HCN1: variants seen among roughly 807,000 people sequenced by gnomAD.
HCN1 encodes the protein potassium/sodium hyperpolarization-activated cyclic nucleotide-gated channel 1.
A neutral mutation model predicts 78.9 loss-of-function variants in HCN1; 13 were observed. The ratio of observed to expected loss-of-function variants is 0.16; its 90% CI spans 0.11 to 0.26. The LOEUF (loss-of-function observed/expected upper bound fraction) is 0.26, where lower values mean the gene tolerates loss of function less well. HCN1 is among the 10% of genes least tolerant of loss of function. The probability of loss-of-function intolerance (pLI) is 1.00; values close to 1 mark genes in which losing one functional copy is unlikely to be tolerated. For missense variants in HCN1, 810 were observed against 1,154.3 expected, an observed-to-expected ratio of 0.70 and a Z score of 4.32; for synonymous variants, 552 against 455.5, an observed-to-expected ratio of 1.21 and a Z score of -2.70.
chr5:45,327,634 A>G (rs989917697), intron 5 of HCN1, among the ~76,000 whole-genome samples: 2 of 151,658 alleles, frequency 1.3e-5, no homozygotes, highest in African/African-American at 2.4e-5. Context: ...AAAAAAATTT[A>G]TATGTTGAAG....
At chr5:45,397,289 A>G (rs1739705718) in intron 3 of HCN1, among the ~76,000 whole-genome samples, 1 of 152,126 alleles carries the variant, frequency 6.6e-6, no homozygotes, top group South Asian at 2.1e-4. Flanking sequence ...AGTGATGTAT[A>G]TTGTAATTTG....
chr5:45,370,699 A>G (rs1747336339), intron 4 of HCN1, among the ~76,000 whole-genome samples: 1 of 152,082 alleles, frequency 6.6e-6, no homozygotes, highest in African/African-American at 2.4e-5. Flanking sequence ...ATAATGCCAT[A>G]AGGCCACAGA....
intron 3 of HCN1, among the ~76,000 whole-genome samples, chr5:45,459,995 T>C (rs1741113601): frequency 3.9e-5 from 6 of 152,146 alleles, no homozygotes. Context: ...CCAACCAAAC[T>C]ACTGCTTACT....
At chr5:45,333,718 T>A (rs1253768561) in intron 5 of HCN1, among the ~76,000 whole-genome samples, 1 of 151,740 alleles carries the variant, frequency 6.6e-6, no homozygotes, top group Non-Finnish European at 1.5e-5. Flanking sequence ...ACCCAGTTTT[T>A]CCAGCACCAT....
At chr5:45,527,785 T>C (rs1742769412) in intron 2 of HCN1, among the ~76,000 whole-genome samples, 1 of 151,928 alleles carries the variant, frequency 6.6e-6, no homozygotes, top group Non-Finnish European at 1.5e-5. Context: ...AGACAGAACA[T>C]GTTGTATTAA....
At chr5:45,515,129 A>T (rs991553016) in intron 2 of HCN1, among the ~76,000 whole-genome samples, 2 of 151,458 alleles carry the variant, frequency 1.3e-5, no homozygotes, top group Admixed American at 6.6e-5. Flanking sequence ...TAACATATCG[A>T]GGACAGAAGA....
At position 45,446,544 on chromosome 5, in the gene HCN1, A is replaced by G. The variant is rs1348911494; in HGVS notation, c.1011+15302T>C. Among the ~76,000 whole-genome samples the G allele has an allele frequency of 2.6e-5, 4 of 152,276 alleles. No homozygotes were observed. In the East Asian group the frequency reaches 7.7e-4, roughly 29 times the overall value. On this transcript the variant is annotated intron_variant, in intron 3 of 7. Coordinates refer to ENST00000303230, the MANE Select transcript of HCN1 (RefSeq NM_021072.4). ...TTCAGGAAATACAGAGAACGCCACAAAGATACTCCTCGAGAAGAGCAACTC... is the reference window on the plus strand; with the variant it reads ...TTCAGGAAATACAGAGAACGCCACAGAGATACTCCTCGAGAAGAGCAACTC...
chr5:45,286,643 A>G (rs988248257), intron 6 of HCN1, among the ~76,000 whole-genome samples: 1 of 152,134 alleles, frequency 6.6e-6, no homozygotes, highest in African/African-American at 2.4e-5. Flanking sequence ...AAAATATTAG[A>G]CACATCTTTT....
chr5:45,538,893 C>T (rs1226892937), intron 2 of HCN1, among the ~76,000 whole-genome samples: 1 of 152,100 alleles, frequency 6.6e-6, no homozygotes, highest in Non-Finnish European at 1.5e-5. Flanking sequence ...TGCTAGTTTC[C>T]AGGTTTCAGG....
chr5:45,346,967 C>A (rs1746732845), intron 5 of HCN1, among the ~76,000 whole-genome samples: 1 of 152,188 alleles, frequency 6.6e-6, no homozygotes, highest in Admixed American at 6.5e-5. Flanking sequence ...CAGCAGTAAC[C>A]TCTGCAGACT....
At chr5:45,285,001 C>T (rs369644128) in intron 6 of HCN1, among the ~76,000 whole-genome samples, 3 of 152,110 alleles carry the variant, frequency 2.0e-5, no homozygotes, top group South Asian at 4.1e-4. Flanking sequence ...GGGGGAAATG[C>T]TACTTTAAAA....
intron 2 of HCN1, among the ~76,000 whole-genome samples, chr5:45,492,459 T>A (rs1273572616): frequency 6.8e-6 from 1 of 146,268 alleles, no homozygotes; most frequent in East Asian, 2.0e-4. Flanking sequence ...TTATCCATGC[T>A]CGTCAAAGTT....
intron 6 of HCN1, among the ~76,000 whole-genome samples, chr5:45,274,882 C>A (rs777015889): frequency 6.6e-6 from 1 of 152,144 alleles, no homozygotes; most frequent in Admixed American, 6.6e-5. Flanking sequence ...ATTGGACTTA[C>A]TTGTTTATAA....
At position 45,388,869 on chromosome 5, in the gene HCN1, C is replaced by T. The variant is rs561008145; in HGVS notation, c.1230+7623G>A. 7.2e-5 allele frequency among the ~76,000 whole-genome samples: 11 copies of T among 152,160 alleles called. No homozygotes were observed. In the East Asian group the frequency reaches 9.7e-4, roughly 13 times the overall value. On this transcript the variant is annotated intron_variant, in intron 4 of 7. Coordinates refer to ENST00000303230, the MANE Select transcript of HCN1 (RefSeq NM_021072.4). ...CAATATATAATGGCTATTTAGTATTCCCACCCTGTTTAATATGTCCACCCG... is the reference window on the plus strand; with the variant it reads ...CAATATATAATGGCTATTTAGTATTTCCACCCTGTTTAATATGTCCACCCG...
At position 45,478,547 on chromosome 5, in the gene HCN1, T is replaced by G. The variant is rs527810352; in HGVS notation, c.850-16540A>C. ...AGGCCTCATTTTTAAAAAGGTTGGA[T>G]AAGGTGATAGTTATCCGTACTAATT... is the stretch of plus-strand genomic sequence containing the variant. On this transcript the variant is annotated intron_variant, in intron 2 of 7. Transcript: ENST00000303230. Among the ~76,000 whole-genome samples, 30 of 152,216 alleles carry G rather than the reference T, an allele frequency of 2.0e-4. No homozygotes were observed. In the South Asian group the frequency reaches 5.8e-3, roughly 29 times the overall value.
At chr5:45,551,554 C>A (rs1743370459) in intron 2 of HCN1, among the ~76,000 whole-genome samples, 1 of 151,710 alleles carries the variant, frequency 6.6e-6, no homozygotes, top group Non-Finnish European at 1.5e-5. Flanking sequence ...TAAAAGTTTT[C>A]TTTATTTTCA....
intron 2 of HCN1, among the ~76,000 whole-genome samples, chr5:45,514,349 A>C (rs1742478694): frequency 6.6e-6 from 1 of 152,090 alleles, no homozygotes; most frequent in Non-Finnish European, 1.5e-5. Context: ...AATCATGAAA[A>C]TAACCTCCAA....
chr5:45,590,979 G>A (rs1361877944), intron 2 of HCN1, among the ~76,000 whole-genome samples: 1 of 151,964 alleles, frequency 6.6e-6, no homozygotes, highest in African/African-American at 2.4e-5. Context: ...CTACAGGCAT[G>A]TGCCACCATG....
intron 2 of HCN1, among the ~76,000 whole-genome samples, chr5:45,638,424 T>C (rs576718787): frequency 6.6e-6 from 1 of 152,280 alleles, no homozygotes; most frequent in East Asian, 1.9e-4. Flanking sequence ...GTTTTAATCT[T>C]AAAATGGGAA....
Sources: gnomAD v4.1 joint callset for allele counts (sites outside exome capture counted in the v4.1 genomes callset) on GRCh38, gnomAD v4.1.1 for gene constraint, MANE v1.5 for transcripts, NCBI Gene and HGNC (gene_info 2026-07-23, HGNC 2026-07-21) for gene names.